BMP3: variants seen among roughly 807,000 people sequenced by gnomAD.
BMP3 encodes the protein bone morphogenetic protein 3 (osteogenic).
BMP3 carries 23 observed loss-of-function variants against 38.1 expected under a neutral mutation model. The ratio of observed to expected loss-of-function variants is 0.60; its 90% CI spans 0.43 to 0.86. The LOEUF is 0.86. Among genes scored for constraint, BMP3 ranks in the 40% least tolerant of loss-of-function variants. BMP3 has a pLI of 0.00. For synonymous variants in BMP3, 258 were observed against 225.7 expected, an observed-to-expected ratio of 1.14 and a Z score of -1.28; for missense variants, 628 against 579.6, an observed-to-expected ratio of 1.08 and a Z score of -0.86.
intron 2 of BMP3, 122 bp from the exon 3 acceptor site, chr4:81,053,223 C>A: frequency 2.9e-6 from 2 of 678,472 alleles, no homozygotes; most frequent in Non-Finnish European, 4.5e-6. Context: ...TATAATGATG[C>A]CAGAGGTTTT....
Position 81,031,552 on chromosome 4 carries a change from C to G in BMP3, c.268C>G (p.Leu90Val). ...EGGSQPWRPRLLREGNTVRSF... is the reference protein window; with the variant it reads ...EGGSQPWRPRVLREGNTVRSF... ...AGGCTCGCAGCCCTGGCGCCCTCGG[C>G]TCCTGCGCGAAGGCAACACGGTTCG... Residue 90 changes from leucine to valine, a missense_variant, in exon 1 of 3, where the codon CTC becomes GTC. By Grantham distance (32) the Leu-to-Val change is conservative. Coordinates refer to ENST00000282701, the MANE Select transcript of BMP3 (RefSeq NM_001201.5). 1.2e-6 allele frequency: 2 copies of G among 1,610,550 alleles called. No individual in the cohort carries two copies. The highest frequency in any genetic ancestry group is 1.7e-6 in the Non-Finnish European group (2 of 1,178,936).
intron 1 of BMP3, among the ~76,000 whole-genome samples, chr4:81,044,623 C>A (rs1740181053): frequency 1.3e-5 from 2 of 152,174 alleles, no homozygotes; most frequent in Admixed American, 1.3e-4. Context: ...TAAGGAGTTT[C>A]TTTTCATTAG....
Position 81,057,505 on chromosome 4 carries a change from G to A in BMP3, c.*3969G>A, listed in dbSNP as rs1185513715. On this transcript the variant is annotated 3_prime_UTR_variant, in exon 3 of 3. Coordinates refer to ENST00000282701, the MANE Select transcript of BMP3 (RefSeq NM_001201.5). ...GTAATGAAAAGCTATTCATTATACA[G>A]TATGGAAATAAAAATTGCTTCATTG... The A allele has an allele frequency of 2.0e-5, 3 of 151,986 alleles. No individual in the cohort carries two copies. Among genetic ancestry groups the A allele is most frequent in the East Asian group, 3.8e-4 (2 of 5,196 alleles). The allele number at this position is 151,986 out of a possible 1,614,324, so 9.4% of individuals were successfully genotyped here.
intron 1 of BMP3, among the ~76,000 whole-genome samples, chr4:81,035,397 A>G (rs1739896433): frequency 6.6e-6 from 1 of 152,090 alleles, no homozygotes; most frequent in Non-Finnish European, 1.5e-5. Context: ...TTTGTACACT[A>G]GAAATAGATA....
chr4:81,053,113 G>A (rs1416414454), intron 2 of BMP3, among the ~76,000 whole-genome samples: 2 of 152,090 alleles, frequency 1.3e-5, no homozygotes, highest in East Asian at 1.9e-4. Context: ...GCTTTGTTGT[G>A]AGAATTAGAG....
rs3038534 is a variant in BMP3, at chr4:81,043,590, A to ATTTTTTTT, written c.317-2140_317-2133dup. Among the ~76,000 whole-genome samples the ATTTTTTTT allele has an allele frequency of 5.4e-5, 7 of 130,758 alleles. 1 individual carries two copies. The highest frequency in any genetic ancestry group is 4.5e-4 in the East Asian group (2 of 4,464). The allele number at this position is 130,758 out of a possible 152,430, so 85.8% of individuals were successfully genotyped here. On this transcript the variant is annotated intron_variant, in intron 1 of 2. Coordinates refer to ENST00000282701, the MANE Select transcript of BMP3 (RefSeq NM_001201.5). ...CCCAATGCTTATCAAGCATACTACAATTTTTTTTTTTTTTTGAGACAGCGT... is the reference window on the plus strand; with the variant it reads ...CCCAATGCTTATCAAGCATACTACAATTTTTTTTTTTTTTTTTTTTTTTGAGACAGCGT...
At position 81,040,340 on chromosome 4, in the gene BMP3, G is replaced by A. The variant is rs181011857; in HGVS notation, c.317-5398G>A. On this transcript the variant is annotated intron_variant, in intron 1 of 2. Transcript: ENST00000282701. The stretch of plus-strand genomic sequence containing the variant: ...CTTGCAAGGGATGAGACGTTCTCTC[G>A]TTCACTTTCACACTCTACTCTACCA... 7.5e-4 allele frequency among the ~76,000 whole-genome samples: 114 copies of A among 152,202 alleles called. 3 individuals carry two copies. The East Asian group carries it at 0.017, about 22-fold the overall frequency.
At chr4:81,033,286 C>G (rs1014229498) in intron 1 of BMP3, among the ~76,000 whole-genome samples, 9 of 152,166 alleles carry the variant, frequency 5.9e-5, no homozygotes, top group African/African-American at 2.2e-4. Context: ...TATTGTATAG[C>G]TTTTATTTGT....
rs1739751049 is a variant in BMP3, at chr4:81,031,277, A to G, written c.-8A>G. On this transcript the variant is annotated 5_prime_UTR_variant, in exon 1 of 3. Transcript: ENST00000282701. The stretch of plus-strand genomic sequence containing the variant: ...CCGGGAGCCGACGCGCCGCGCGGGT[A>G]CCTAGCCATGGCTGGGGCGAGCAGG... 6.3e-7 allele frequency: 1 copy of G among 1,587,318 alleles called. No homozygotes were observed. The highest frequency in any genetic ancestry group is 1.3e-5 in the African/African-American group (1 of 74,292).
chr4:81,053,277 A>G (rs1740443325), intron 2 of BMP3, 68 bp from the exon 3 acceptor site: 18 of 1,141,592 alleles, frequency 1.6e-5, no homozygotes, highest in Non-Finnish European at 1.9e-5. Context: ...ATTTTGTGTA[A>G]TGAGGACTGA....
rs866813886 is a variant in BMP3, at chr4:81,046,217, C to T, written c.796C>T (p.Pro266Ser). Residue 266 changes from proline (P) to serine (S), a missense_variant, in exon 2 of 3, where the codon CCC becomes TCC. Transcript: ENST00000282701. ...VSSLQGHRNF[P>S]TGTVPKWDSH... ...AAGCTTACAGGGACACCGGAATTTT[C>T]CCACTGGAACTGTTCCCAAATGGGA... 6.2e-7 allele frequency: 1 copy of T among 1,614,078 alleles called. No homozygotes were observed. The highest frequency in any genetic ancestry group is 8.5e-7 in the Non-Finnish European group (1 of 1,180,030).
intron 2 of BMP3, among the ~76,000 whole-genome samples, chr4:81,050,359 T>C (rs1049520173): frequency 3.9e-5 from 6 of 152,200 alleles, no homozygotes; most frequent in Admixed American, 6.5e-5. Flanking sequence ...GAGAGATTCT[T>C]GGAATTCTGC....
Position 81,030,923 on chromosome 4 carries a change from C to A in BMP3, c.-362C>A. On this transcript the variant is annotated 5_prime_UTR_variant, in exon 1 of 3. Transcript: ENST00000282701. ...CTAGTCCCTCGCGCGGCCAGTTTGG[C>A]CGGGTGTTCCCAAAAATAAAGCGAG... 1 of 215,908 alleles carries A rather than the reference C, an allele frequency of 4.6e-6. No individual in the cohort carries two copies. The highest frequency in any genetic ancestry group is 8.9e-5 in the South Asian group (1 of 11,280). The allele number at this position is 215,908 out of a possible 1,614,324, so 13.4% of individuals were successfully genotyped here.
At position 81,031,180 on chromosome 4, in the gene BMP3, C is replaced by G. The variant is rs928335901; in HGVS notation, c.-105C>G. The G allele has an allele frequency of 4.0e-5, 51 of 1,267,280 alleles. No homozygotes were observed. The highest frequency in any genetic ancestry group is 5.2e-5 in the Non-Finnish European group (49 of 941,730). The allele number at this position is 1,267,280 out of a possible 1,614,324, so 78.5% of individuals were successfully genotyped here. A position where few individuals can be genotyped will look rare whatever the true frequency, so the allele number is the denominator to read the frequency against. ...GTCCCGGGCTCCGTGCGCCCTCGCC[C>G]CAGCTGGTTTGGAGTTCAACCCTCG... On this transcript the variant is annotated 5_prime_UTR_variant, in exon 1 of 3. Transcript: ENST00000282701.
At position 81,053,588 on chromosome 4, in the gene BMP3, T is replaced by C. The variant is rs754989944; in HGVS notation, c.*52T>C. On this transcript the variant is annotated 3_prime_UTR_variant, in exon 3 of 3. Transcript: ENST00000282701. ...TAATTCAATCATTAGTTTATTTTTA[T>C]GGACTTCTTCCTGTTTTTTTTTTTT... The C allele has an allele frequency of 1.8e-5, 19 of 1,044,132 alleles. No homozygotes were observed. The highest frequency in any genetic ancestry group is 3.2e-5 in the Admixed American group (1 of 31,302). 64.7% of individuals were successfully genotyped at this position (1,044,132 alleles called of 1,614,324 possible).
In BMP3 at chr4:81,055,279, A is replaced by T. The variant is rs1207163834; in HGVS notation, c.*1743A>T. Reference sequence around the variant, plus strand: ...TTCGCTTTGGTTTAAGTGGTATTTTATTGCAAACCCATTAAAAGAATAACT... The same window carrying T: ...TTCGCTTTGGTTTAAGTGGTATTTTTTTGCAAACCCATTAAAAGAATAACT... On this transcript the variant is annotated 3_prime_UTR_variant, in exon 3 of 3. Transcript: ENST00000282701. 2 of 152,202 alleles carry T rather than the reference A, an allele frequency of 1.3e-5. No homozygotes were observed. Among genetic ancestry groups the T allele is most frequent in the Non-Finnish European group, 2.9e-5 (2 of 68,040 alleles). 9.4% of individuals were successfully genotyped at this position (152,202 alleles called of 1,614,324 possible).
At chr4:81,043,605 T>TTTTTTA (rs57590589) in intron 1 of BMP3, among the ~76,000 whole-genome samples, 1 of 150,860 alleles carries the variant, frequency 6.6e-6, no homozygotes. Context: ...TTTTTTTTTT[T>TTTTTTA]GAGACAGCGT....
chr4:81,037,391 C>A, intron 1 of BMP3: 1 of 252,182 alleles, frequency 4.0e-6, no homozygotes, highest in Admixed American at 4.6e-5. Flanking sequence ...TTTCTATTAC[C>A]TAAAGCTAAG....
In BMP3 at chr4:81,046,443, G is replaced by T. The variant is rs774674756; in HGVS notation, c.1022G>T (p.Gly341Val). 3 of 1,613,686 alleles carry T rather than the reference G, an allele frequency of 1.9e-6. No individual in the cohort carries two copies. The highest frequency in any genetic ancestry group is 1.7e-5 in the Admixed American group (1 of 59,906). ...KSKNKKKQRK[G>V]PHRKSQTLQF... ...AAGAATAAAAAGAAACAGAGAAAGG[G>T]GCCTCATCGGAAGAGCCAGACGCTC... Residue 341 changes from glycine to valine, a missense_variant, in exon 2 of 3, where the codon GGG becomes GTG. By Grantham distance (109) the Gly-to-Val change is moderately radical. Transcript: ENST00000282701.
Sources: gnomAD v4.1 joint callset for allele counts (sites outside exome capture counted in the v4.1 genomes callset) on GRCh38, gnomAD v4.1.1 for gene constraint, MANE v1.5 for transcripts, NCBI Gene and HGNC (gene_info 2026-07-23, HGNC 2026-07-21) for gene names.